WASF1: variants seen among roughly 807,000 people sequenced by gnomAD.
WASF1 encodes actin-binding protein WASF1.
Under a neutral mutation model 50.5 loss-of-function variants are expected in WASF1, and 7 were observed. The ratio of observed to expected loss-of-function variants is 0.14; its 90% CI spans 0.08 to 0.26. The LOEUF (loss-of-function observed/expected upper bound fraction) is 0.26, where lower values mean the gene tolerates loss of function less well. WASF1 is among the 10% of genes least tolerant of loss of function. The probability of loss-of-function intolerance (pLI) is 1.00; values close to 1 mark genes in which losing one functional copy is unlikely to be tolerated. For synonymous variants in WASF1, 205 were observed against 244.0 expected (o/e 0.84, Z 1.49); for missense variants, 470 against 694.7 (o/e 0.68, Z 3.64).
intron 3 of WASF1, among the ~76,000 whole-genome samples, chr6:110,136,695 ATCTT>A (rs1774983446): frequency 6.6e-6 from 1 of 151,996 alleles, no homozygotes; most frequent in African/African-American, 2.4e-5. Context: ...ACCTTCTCCT[ATCTT>A]TGTTTTAAAC....
chr6:110,124,270 CTCTCTATATATATA>C (rs1356132422), intron 4 of WASF1, among the ~76,000 whole-genome samples: 31 of 52,460 alleles, frequency 5.9e-4, no homozygotes, highest in African/African-American at 3.0e-3. Context: ...CTCTCTCTCT[CTCTCTATATATATA>C]TATATATATA....
intron 2 of WASF1, among the ~76,000 whole-genome samples, chr6:110,169,918 GATC>G (rs1776632368): frequency 6.6e-6 from 1 of 152,052 alleles, no homozygotes; most frequent in African/African-American, 2.4e-5. Flanking sequence ...GAAGCTCAGA[GATC>G]ATCAACCACG....
intron 4 of WASF1, among the ~76,000 whole-genome samples, chr6:110,117,752 G>T (rs2114488227): frequency 6.6e-6 from 1 of 152,222 alleles, no homozygotes; most frequent in South Asian, 2.1e-4. Context: ...AATGTTAAGG[G>T]CAGCCACAGA....
At chr6:110,155,008 G>T (rs533558567) in intron 3 of WASF1, among the ~76,000 whole-genome samples, 1 of 152,174 alleles carries the variant, frequency 6.6e-6, no homozygotes, top group East Asian at 1.9e-4. Context: ...TAGTATTAAT[G>T]AAATAGATAC....
chr6:110,178,302 A>G (rs1777022086), intron 2 of WASF1, among the ~76,000 whole-genome samples: 1 of 152,226 alleles, frequency 6.6e-6, no homozygotes, highest in Admixed American at 6.5e-5. Flanking sequence ...GTTTCCTAAC[A>G]GAAACTTAGA....
chr6:110,160,174 A>G (rs1166774154), intron 3 of WASF1, among the ~76,000 whole-genome samples: 2 of 151,910 alleles, frequency 1.3e-5, no homozygotes, highest in African/African-American at 2.4e-5. Context: ...TAAGAAAAAC[A>G]GCTGATTTAA....
At chr6:110,112,250 T>C (rs1349524999) in intron 5 of WASF1, among the ~76,000 whole-genome samples, 3 of 152,132 alleles carry the variant, frequency 2.0e-5, no homozygotes, top group African/African-American at 7.2e-5. Context: ...TACTATTTAA[T>C]GCAACAAAAA....
At chr6:110,123,968 C>T (rs1370555896) in intron 4 of WASF1, among the ~76,000 whole-genome samples, 3 of 152,014 alleles carry the variant, frequency 2.0e-5, no homozygotes, top group Admixed American at 1.3e-4. Context: ...AAGGAGTTAG[C>T]TAGCTTGCTT....
rs982777194 is a variant in WASF1, at chr6:110,101,510, A to C, written c.1522+78T>G. ...ATCACCTAAAATTTTATAGATAAGG[A>C]ACACATTTTTGTCTTAAATATTTAG... On this transcript the variant is annotated intron_variant, in intron 10 of 10. Coordinates refer to ENST00000392589, the MANE Select transcript of WASF1 (RefSeq NM_003931.3). 1.4e-5 allele frequency: 21 copies of C among 1,511,810 alleles called. No homozygotes were observed. The Middle Eastern group carries it at 1.2e-3, about 88-fold the overall frequency. The allele number at this position is 1,511,810 out of a possible 1,614,324, so 93.6% of individuals were successfully genotyped here.
chr6:110,118,256 T>G (rs1337320120), intron 4 of WASF1, among the ~76,000 whole-genome samples: 1 of 146,498 alleles, frequency 6.8e-6, no homozygotes, highest in Non-Finnish European at 1.5e-5. Flanking sequence ...GTGTGCTGTA[T>G]TCAGGAAACC....
chr6:110,101,272 T>C (rs985099222), intron 10 of WASF1, among the ~76,000 whole-genome samples: 5 of 151,986 alleles, frequency 3.3e-5, no homozygotes, highest in African/African-American at 1.2e-4. Context: ...GGAGTTAATA[T>C]ACACATTAAG....
At chr6:110,143,233 A>G (rs1414829382) in intron 3 of WASF1, among the ~76,000 whole-genome samples, 5 of 152,008 alleles carry the variant, frequency 3.3e-5, no homozygotes, top group Non-Finnish European at 7.4e-5. Context: ...ATGAGCTACA[A>G]TACTGTTTAT....
intron 3 of WASF1, among the ~76,000 whole-genome samples, chr6:110,147,566 G>A (rs1012716009): frequency 6.6e-6 from 1 of 152,122 alleles, no homozygotes; most frequent in Admixed American, 6.5e-5. Flanking sequence ...TACACCTATA[G>A]AGTGGAAAGA....
chr6:110,101,831 G>C lies in WASF1; in HGVS notation c.1279C>G (p.Pro427Ala). The change falls in exon 10 of 11, where the codon CCA becomes GCA. Residue 427 changes from proline to alanine, a missense_variant. Physicochemically the swap from Pro to Ala is conservative, Grantham distance 27. Transcript: ENST00000392589. ...QGEVQGLPPP[P>A]PPPPLPPPGI... Reference sequence around the variant, plus strand: ...GGTGGAGGCAGAGGAGGCGGTGGTGGGGGTGGAGGCAGCCCCTGAACTTCA... The same window carrying C: ...GGTGGAGGCAGAGGAGGCGGTGGTGCGGGTGGAGGCAGCCCCTGAACTTCA... 6.2e-7 allele frequency: 1 copy of C among 1,614,114 alleles called. No homozygotes were observed. Among genetic ancestry groups the C allele is most frequent in the Non-Finnish European group, 8.5e-7 (1 of 1,180,010 alleles).
chr6:110,174,208 T>A (rs1360824096), intron 2 of WASF1, among the ~76,000 whole-genome samples: 1 of 151,990 alleles, frequency 6.6e-6, no homozygotes, highest in African/African-American at 2.4e-5. Flanking sequence ...TCCACTAATC[T>A]TGCCTCTAAG....
intron 4 of WASF1, among the ~76,000 whole-genome samples, chr6:110,123,304 A>G (rs1263897313): frequency 6.6e-6 from 1 of 152,144 alleles, no homozygotes; most frequent in Non-Finnish European, 1.5e-5. Flanking sequence ...GAAATTTAGG[A>G]GATCTTTTAC....
At chr6:110,151,021 G>A (rs1775799711) in intron 3 of WASF1, among the ~76,000 whole-genome samples, 1 of 152,186 alleles carries the variant, frequency 6.6e-6, no homozygotes, top group Non-Finnish European at 1.5e-5. Context: ...TGGGCATCAA[G>A]AGTGAAACTC....
chr6:110,161,240 A>G (rs940009852), intron 2 of WASF1, among the ~76,000 whole-genome samples: 1 of 151,650 alleles, frequency 6.6e-6, no homozygotes, highest in Non-Finnish European at 1.5e-5. Flanking sequence ...TAACTGTACT[A>G]AATAGTGTAT....
chr6:110,137,901 A>G (rs932486969), intron 3 of WASF1, among the ~76,000 whole-genome samples: 3 of 152,250 alleles, frequency 2.0e-5, no homozygotes, highest in African/African-American at 7.2e-5. Flanking sequence ...TTTTCCTCCT[A>G]TGTAAGTATC....
Sources: gnomAD v4.1 joint callset for allele counts (sites outside exome capture counted in the v4.1 genomes callset) on GRCh38, gnomAD v4.1.1 for gene constraint, MANE v1.5 for transcripts, NCBI Gene and HGNC (gene_info 2026-07-23, HGNC 2026-07-21) for gene names.